Variants in ARG1 observed in about 807,000 individuals in gnomAD.
The protein encoded by ARG1 is arginase 1.
ARG1 carries 20 observed loss-of-function variants against 33.0 expected under a neutral mutation model. The ratio of observed to expected loss-of-function variants is 0.61; its 90% confidence interval spans 0.43 to 0.88. ARG1 has a LOEUF of 0.88. Ranked by LOEUF, ARG1 falls within the 40% of genes least tolerant of loss-of-function variation. ARG1 has a pLI of 0.00. For synonymous variants in ARG1, 146 were observed against 140.6 expected, an observed-to-expected ratio of 1.04 and a Z score of -0.27; for missense variants, 374 against 384.7, an observed-to-expected ratio of 0.97 and a Z score of 0.23.
chr6:131,574,070 T>G, intron 1 of ARG1: 1 of 603,618 alleles, frequency 1.7e-6, no homozygotes, highest in Non-Finnish European at 3.0e-6. Flanking sequence ...TACACTTTTT[T>G]TTCTGCCTGG....
intron 2 of ARG1, 67 bp downstream of exon 2, chr6:131,576,802 T>C: frequency 7.2e-7 from 1 of 1,387,028 alleles, no homozygotes. Context: ...AGCAGGCCCC[T>C]GTGAACCTGG....
intron 2 of ARG1, among the ~76,000 whole-genome samples, chr6:131,578,608 T>C (rs915590100): frequency 2.0e-5 from 3 of 152,172 alleles, no homozygotes; most frequent in Non-Finnish European, 4.4e-5. Context: ...ATGAGGCAGG[T>C]TCAATGGATA....
chr6:131,583,461 C>A lies in ARG1; in HGVS notation c.772C>A (p.Leu258Ile). ...VVGGLTYREG[L>I]YITEEIYKTG... ...GGGAGGTCTGACATACAGAGAAGGT[C>A]TCTACATCACAGAAGAAATCTACAA... is the stretch of plus-strand genomic sequence containing the variant. Residue 258 changes from leucine (L) to isoleucine (I), a missense_variant, in exon 7 of 8, where the codon CTC (leucine) becomes ATC (isoleucine). Coordinates refer to ENST00000368087, the MANE Select transcript of ARG1 (RefSeq NM_000045.4). 6.2e-7 allele frequency: 1 copy of A among 1,614,092 alleles called. No homozygotes were observed. Among genetic ancestry groups the A allele is most frequent in the South Asian group, 1.1e-5 (1 of 91,078 alleles).
At chr6:131,578,307 G>A (rs1271248785) in intron 2 of ARG1, among the ~76,000 whole-genome samples, 1 of 151,930 alleles carries the variant, frequency 6.6e-6, no homozygotes, top group Non-Finnish European at 1.5e-5. Flanking sequence ...GAAATTTCTT[G>A]GAGGCGTTAC....
At chr6:131,578,935 A>G (rs1047911283) in intron 2 of ARG1, among the ~76,000 whole-genome samples, 176 bp from the exon 3 acceptor site, 3 of 152,162 alleles carry the variant, frequency 2.0e-5, no homozygotes. Context: ...TACTGGTAAC[A>G]TGACGTCAAG....
chr6:131,583,307 TG>T (rs1562361184), intron 6 of ARG1, 47 bp from the exon 7 acceptor site: 8 of 1,612,918 alleles, frequency 5.0e-6, no homozygotes, highest in Non-Finnish European at 6.8e-6. Context: ...ATCTATGAAA[TG>T]TGAAGCCATC....
chr6:131,582,830 C>A, intron 5 of ARG1, 115 bp downstream of exon 5: 1 of 868,750 alleles, frequency 1.2e-6, no homozygotes, highest in Non-Finnish European at 1.9e-6. Flanking sequence ...CACACACACA[C>A]ATGCCCACAC....
rs1437673274 is a variant in ARG1 at position 131,582,649 on chromosome 6, T to C, written c.494T>C (p.Val165Ala). ...CCCGATGTGCCAGGATTCTCCTGGG[T>C]GACTCCCTGTATATCTGCCAAGGAT... ...KIPDVPGFSW[V>A]TPCISAKDIV... is the part of the protein sequence containing the mutation. The change falls in exon 5 of 8, where the codon GTG becomes GCG. Residue 165 changes from valine to alanine, a missense_variant. By Grantham distance (64) the Val-to-Ala change is moderately conservative (BLOSUM62 0). Coordinates refer to ENST00000368087, the MANE Select transcript of ARG1 (RefSeq NM_000045.4). 6.2e-7 allele frequency: 1 copy of C among 1,613,916 alleles called. No homozygotes were observed. Among genetic ancestry groups the C allele is most frequent in the South Asian group, 1.1e-5 (1 of 91,078 alleles).
In ARG1 at chr6:131,584,131, T is replaced by G. The variant is rs1488524612; in HGVS notation, c.*223T>G. 3.6e-6 allele frequency: 2 copies of G among 554,510 alleles called. No individual in the cohort carries two copies. The highest frequency in any genetic ancestry group is 6.2e-6 in the Non-Finnish European group (2 of 320,822). The allele number at this position is 554,510 out of a possible 1,614,324, so 34.3% of individuals were successfully genotyped here. On this transcript the variant is annotated 3_prime_UTR_variant, in exon 8 of 8. Coordinates refer to ENST00000368087, the MANE Select transcript of ARG1 (RefSeq NM_000045.4). ...TATATTTTCTAACTTGGCAAAAGAC[T>G]TATCCTTAGAAAGAGAAGTGTACAT...
intron 4 of ARG1, 86 bp from the exon 5 acceptor site, chr6:131,582,535 C>T (rs574637756): frequency 1.4e-4 from 134 of 976,270 alleles, no homozygotes; most frequent in Middle Eastern, 4.5e-4. Flanking sequence ...ATAAGATATA[C>T]GCAATCCAAT....
rs1773620388 is a variant in ARG1 at position 131,576,529 on chromosome 6, G to A, written c.58-134G>A. The A allele has an allele frequency of 1.7e-5, 14 of 809,600 alleles. No homozygotes were observed. The East Asian group carries it at 3.4e-4, about 20-fold the overall frequency. 50.2% of individuals were successfully genotyped at this position (809,600 alleles called of 1,614,324 possible). A position where few individuals can be genotyped will look rare whatever the true frequency, so the allele number is the denominator to read the frequency against. On this transcript the variant is annotated intron_variant, in intron 1 of 7. Coordinates refer to ENST00000368087, the MANE Select transcript of ARG1 (RefSeq NM_000045.4). ...TGCTGTGAAGATTAAAAGAGATGAT[G>A]TAAATTCCTGGCTCTGTAGGAGCTC... is the stretch of plus-strand genomic sequence containing the variant.
intron 1 of ARG1, chr6:131,574,316 G>C: frequency 6.2e-7 from 1 of 1,613,856 alleles, no homozygotes; most frequent in Non-Finnish European, 8.5e-7. Context: ...AATTGAGAGA[G>C]GCCAGAGGTT....
intron 5 of ARG1, 58 bp downstream of exon 5, chr6:131,582,773 T>C: frequency 6.9e-7 from 1 of 1,444,292 alleles, no homozygotes; most frequent in Admixed American, 1.7e-5. Flanking sequence ...GTGCTAGATA[T>C]GCTTTACTGA....
chr6:131,579,423 T>A, intron 3 of ARG1, 138 bp downstream of exon 3: 3 of 912,000 alleles, frequency 3.3e-6, no homozygotes, highest in East Asian at 2.7e-5. Flanking sequence ...TTTAAAAAAA[T>A]TTTATAGGTT....
rs775536517 is a variant in ARG1 at position 131,577,175 on chromosome 6, T to C, written c.130+440T>C. ...GTGTGTATATATACATACATATACA[T>C]AAGCATGCAAATGCAAATTTACGTA... On this transcript the variant is annotated intron_variant, in intron 2 of 7. Coordinates refer to ENST00000368087, the MANE Select transcript of ARG1 (RefSeq NM_000045.4). Among the ~76,000 whole-genome samples the C allele has an allele frequency of 5.9e-5, 9 of 152,220 alleles. 1 individual carries two copies. The highest frequency in any genetic ancestry group is 6.3e-3 in the Middle Eastern group (2 of 316).
chr6:131,580,832 T>G (rs1035234143), intron 3 of ARG1, among the ~76,000 whole-genome samples: 1 of 152,208 alleles, frequency 6.6e-6, no homozygotes, highest in Non-Finnish European at 1.5e-5. Flanking sequence ...CCAAGAGAGA[T>G]GAGTGTACAG....
At chr6:131,582,349 A>G (rs1773969032) in intron 4 of ARG1, among the ~76,000 whole-genome samples, 1 of 152,182 alleles carries the variant, frequency 6.6e-6, no homozygotes, top group African/African-American at 2.4e-5. Context: ...TAATGGGAGC[A>G]CAATCGTTTC....
intron 1 of ARG1, among the ~76,000 whole-genome samples, chr6:131,575,003 C>G (rs1325648865): frequency 6.6e-6 from 1 of 152,098 alleles, no homozygotes; most frequent in Non-Finnish European, 1.5e-5. Flanking sequence ...TACTTGTGGC[C>G]ATTTAGGGAT....
At position 131,581,240 on chromosome 6, in the gene ARG1, T is replaced by C; in HGVS notation, c.327T>C (p.Ser109=). The C allele has an allele frequency of 6.2e-7, 1 of 1,613,934 alleles. No individual in the cohort carries two copies. The highest frequency in any genetic ancestry group is 8.5e-7 in the Non-Finnish European group (1 of 1,179,796). Residue 109 remains serine, a synonymous_variant, in exon 4 of 8, where the codon TCT becomes TCC. Transcript: ENST00000368087. ...GDHSLAIGSI[S]GHARVHPDLG... ...AAAGTTTGGCAATTGGAAGCATCTCTGGCCATGCCAGGGTCCACCCTGATC... is the reference window on the plus strand; with the variant it reads ...AAAGTTTGGCAATTGGAAGCATCTCCGGCCATGCCAGGGTCCACCCTGATC...
Sources: allele counts gnomAD v4.1 joint callset (sites outside exome capture counted in the v4.1 genomes callset), GRCh38; gene constraint gnomAD v4.1.1; transcripts MANE v1.5; gene names NCBI Gene and HGNC (gene_info 2026-07-23, HGNC 2026-07-21).